ZNF44: variants seen among roughly 807,000 people sequenced by gnomAD.
The protein encoded by ZNF44 is zinc finger protein 44.
Under a neutral mutation model 11.7 loss-of-function variants are expected in ZNF44, and 9 were observed. The ratio of observed to expected loss-of-function variants is 0.77; its 90% CI spans 0.46 to 1.35. The LOEUF is 1.35. Among genes scored for constraint, ZNF44 ranks in the 40% most tolerant of loss-of-function variants. ZNF44 has a pLI of 0.00. For synonymous variants in ZNF44, 224 were observed against 242.7 expected (o/e 0.92, Z 0.72); for missense variants, 696 against 743.1 (o/e 0.94, Z 0.74).
intron 7 of ZNF44, chr19:12,249,844 G>A (rs116935814): frequency 0.023 from 13,969 of 617,334 alleles, 212 homozygotes; most frequent in Non-Finnish European, 0.029. Context: ...GAGCCACTGC[G>A]CTAGCTGGGT....
downstream of ZNF44, among the ~76,000 whole-genome samples, chr19:12,246,351 A>G (rs537898848): frequency 4.6e-5 from 7 of 152,192 alleles, no homozygotes; most frequent in Non-Finnish European, 8.8e-5. Flanking sequence ...TGTATATAAG[A>G]CTATATTGTA....
rs1257791033 is a variant in ZNF44 at position 12,273,287 on chromosome 19, C to T, written c.968G>A (p.Ser323Asn). 1.2e-6 allele frequency: 2 copies of T among 1,613,418 alleles called. No homozygotes were observed. Among genetic ancestry groups the T allele is most frequent in the African/African-American group, 1.3e-5 (1 of 74,716 alleles). The stretch of plus-strand genomic sequence containing the variant: ...GTGCATTATCATGTGTCTTTGAAAG[C>T]TTCCAAGATGACAAAACGCTTTCCC... ...QCGKAFCHLGSFQRHMIMHSG... is the reference protein window; with the variant it reads ...QCGKAFCHLGNFQRHMIMHSG... The change falls in exon 4 of 4, where the codon AGC becomes AAC. Residue 323 changes from serine (S) to asparagine (N), a missense_variant. Transcript: ENST00000355684.
intron 1 of ZNF44, among the ~76,000 whole-genome samples, chr19:12,235,238 A>C (rs983767353): frequency 2.0e-5 from 3 of 152,104 alleles, no homozygotes; most frequent in Non-Finnish European, 4.4e-5. Flanking sequence ...GCGTGGTAGC[A>C]GGCGCCTGTA....
intron 1 of ZNF44, among the ~76,000 whole-genome samples, chr19:12,287,242 A>G (rs1408372370): frequency 6.6e-6 from 1 of 151,598 alleles, no homozygotes; most frequent in Non-Finnish European, 1.5e-5. Context: ...ACATATATAC[A>G]CATTCTTCTT....
At chr19:12,268,135 C>CACACACACAG, downstream of ZNF44, among the ~76,000 whole-genome samples, 1 of 137,344 alleles carries the variant, frequency 7.3e-6, no homozygotes, top group African/African-American at 2.7e-5. Flanking sequence ...TGTTCTTACA[C>CACACACACAG]ACACACACAG....
chr19:12,246,074 C>G (rs1916761046), downstream of ZNF44, among the ~76,000 whole-genome samples: 1 of 152,174 alleles, frequency 6.6e-6, no homozygotes, highest in East Asian at 1.9e-4. Context: ...TGTCTGTCTC[C>G]ACGCAGATGG....
chr19:12,241,466 G>T (rs763678419), upstream of ZNF44, among the ~76,000 whole-genome samples: 5 of 152,326 alleles, frequency 3.3e-5, no homozygotes, highest in Admixed American at 6.5e-5. Flanking sequence ...AAAGTGGGTG[G>T]ATCACCAGAG....
At chr19:12,280,263 G>A in intron 1 of ZNF44, among the ~76,000 whole-genome samples, 1 of 152,030 alleles carries the variant, frequency 6.6e-6, no homozygotes, top group Non-Finnish European at 1.5e-5. Context: ...GTAGTTTATA[G>A]CTCCCAGTTG....
At chr19:12,231,394 G>A (rs180917238) in intron 2 of ZNF44, among the ~76,000 whole-genome samples, 28 of 152,264 alleles carry the variant, frequency 1.8e-4, no homozygotes, top group Admixed American at 7.9e-4. Flanking sequence ...AAAGAGAGAG[G>A]ATTACTCAGA....
At chr19:12,280,468 T>C (rs1218176261) in intron 1 of ZNF44, among the ~76,000 whole-genome samples, 2 of 151,890 alleles carry the variant, frequency 1.3e-5, no homozygotes, top group African/African-American at 2.4e-5. Flanking sequence ...GTAGACTATA[T>C]AGATATATAA....
At chr19:12,246,772 TC>T (rs1229703385), downstream of ZNF44, among the ~76,000 whole-genome samples, 5 of 151,552 alleles carry the variant, frequency 3.3e-5, no homozygotes, top group Admixed American at 3.3e-4. Context: ...ACATCTGTAG[TC>T]CCAGCTGCTC....
chr19:12,282,534 G>T (rs757538783), intron 1 of ZNF44, among the ~76,000 whole-genome samples: 3 of 149,162 alleles, frequency 2.0e-5, no homozygotes, highest in Non-Finnish European at 4.4e-5. Context: ...CAATTCTCCT[G>T]CCTCAGCCTC....
rs771833032 is a variant in ZNF44, at chr19:12,273,535, A to G, written c.720T>C (p.Tyr240=). 7 of 1,613,980 alleles carry G rather than the reference A, an allele frequency of 4.3e-6. No homozygotes were observed. The Admixed American group carries it at 8.3e-5, about 19-fold the overall frequency. Residue 240 remains tyrosine (Y), a synonymous_variant, in exon 4 of 4, where the codon TAT becomes TAC. Coordinates refer to ENST00000355684, the MANE Select transcript of ZNF44 (RefSeq NM_016264.4). ...CAGTGTGTATTTTTTCATGTCTTAG[A>G]TAGGAACTGTAAACAGGGAAGGCTT... ...CSKAFPVYSS[Y]LRHEKIHTGE...
chr19:12,292,445 C>T (rs540246714), intron 1 of ZNF44, among the ~76,000 whole-genome samples: 1 of 152,250 alleles, frequency 6.6e-6, no homozygotes, highest in South Asian at 2.1e-4. Flanking sequence ...ATGCCCTTTA[C>T]AGTTAATAAA....
chr19:12,247,306 A>G, downstream of ZNF44: 1 of 1,270,458 alleles, frequency 7.9e-7, no homozygotes, highest in Non-Finnish European at 1.0e-6. Context: ...TTCACATGGT[A>G]TTGTAAGGAT....
chr19:12,239,413 C>CTT (rs34726133), upstream of ZNF44, among the ~76,000 whole-genome samples: 179 of 113,874 alleles, frequency 1.6e-3, 1 homozygote, highest in African/African-American at 5.9e-3. Flanking sequence ...TGCACCTGGC[C>CTT]TTTTTTTTTT....
chr19:12,288,341 G>C (rs1568457908), intron 1 of ZNF44, among the ~76,000 whole-genome samples: 1 of 152,146 alleles, frequency 6.6e-6, no homozygotes, highest in Non-Finnish European at 1.5e-5. Context: ...AGCCCTCCAA[G>C]ACATTTTAAT....
upstream of ZNF44, among the ~76,000 whole-genome samples, chr19:12,238,872 A>G (rs990506846): frequency 1.3e-5 from 2 of 152,224 alleles, no homozygotes; most frequent in African/African-American, 4.8e-5. Flanking sequence ...CCGCATTCAG[A>G]AAATGAATCA....
At chr19:12,267,254 G>A (rs576760466), downstream of ZNF44, among the ~76,000 whole-genome samples, 1 of 152,064 alleles carries the variant, frequency 6.6e-6, no homozygotes, top group South Asian at 2.1e-4. Flanking sequence ...TTGTTGGTCA[G>A]GCTGGTCTCG....
Sources: gnomAD v4.1 joint callset for allele counts (sites outside exome capture counted in the v4.1 genomes callset) on GRCh38, gnomAD v4.1.1 for gene constraint, MANE v1.5 for transcripts, NCBI Gene and HGNC (gene_info 2026-07-23, HGNC 2026-07-21) for gene names.